Variants in EFCAB6 observed in about 807,000 individuals in gnomAD.
The protein encoded by EFCAB6 is EF-hand calcium-binding domain-containing protein 6.
EFCAB6 carries 156 observed loss-of-function variants against 169.8 expected under a neutral mutation model. That is an observed-to-expected ratio of 0.92 (90% CI 0.81 to 1.05). The LOEUF (loss-of-function observed/expected upper bound fraction) is 1.05, where lower values mean the gene tolerates loss of function less well. EFCAB6 is among the 50% of genes least tolerant of loss of function. The pLI is 0.00. For missense variants in EFCAB6, 1,800 were observed against 1,829.1 expected (o/e 0.98, Z 0.29); for synonymous variants, 698 against 676.4 (o/e 1.03, Z -0.50).
At position 43,583,293 on chromosome 22, in the gene EFCAB6, C is replaced by G. The variant is rs147423149; in HGVS notation, c.3033-2634G>C. On this transcript the variant is annotated intron_variant, in intron 24 of 31. Coordinates refer to ENST00000262726, the MANE Select transcript of EFCAB6 (RefSeq NM_022785.4). The stretch of plus-strand genomic sequence containing the variant: ...TTACTCTTCCCCATTAAAGAAAAGC[C>G]CTCTTCTGCTTGCTCTTTGAGATGC... Among the ~76,000 whole-genome samples, 12 of 151,290 alleles carry G rather than the reference C, an allele frequency of 7.9e-5. 1 individual carries two copies. The highest frequency in any genetic ancestry group is 7.9e-4 in the Admixed American group (12 of 15,176).
In EFCAB6 at chr22:43,809,077, C is replaced by G. The variant is rs1190183733; in HGVS notation, c.-90G>C. On this transcript the variant is annotated 5_prime_UTR_variant, in exon 2 of 32. Transcript: ENST00000262726. Reference sequence around the variant, plus strand: ...CCCTGAAGAGTGAGGACATTAAGCCCACACTTTTGTCATTGGGCAGTAATC... The same window carrying G: ...CCCTGAAGAGTGAGGACATTAAGCCGACACTTTTGTCATTGGGCAGTAATC... 1 of 152,152 alleles carries G rather than the reference C, an allele frequency of 6.6e-6. No individual in the cohort carries two copies. Among genetic ancestry groups the G allele is most frequent in the Non-Finnish European group, 1.5e-5 (1 of 68,026 alleles). 9.4% of individuals were successfully genotyped at this position (152,152 alleles called of 1,614,324 possible). A position where few individuals can be genotyped will look rare whatever the true frequency, so the allele number is the denominator to read the frequency against.
intron 6 of EFCAB6, among the ~76,000 whole-genome samples, chr22:43,746,608 G>A (rs1253736273): frequency 1.3e-5 from 2 of 152,172 alleles, no homozygotes; most frequent in Admixed American, 1.3e-4. Flanking sequence ...TCTATAAGCT[G>A]AGGGACTTAC....
intron 8 of EFCAB6, among the ~76,000 whole-genome samples, chr22:43,723,953 G>A (rs2059628944): frequency 6.6e-6 from 1 of 152,248 alleles, no homozygotes; most frequent in South Asian, 2.1e-4. Flanking sequence ...GTGATGGGAG[G>A]GTCCTTTCTA....
intron 9 of EFCAB6, among the ~76,000 whole-genome samples, chr22:43,716,245 C>T (rs1441259401): frequency 6.6e-6 from 1 of 152,126 alleles, no homozygotes; most frequent in Non-Finnish European, 1.5e-5. Flanking sequence ...AGCAAATTAT[C>T]TCAATAATAA....
At chr22:43,703,468 C>G (rs930895617) in intron 10 of EFCAB6, among the ~76,000 whole-genome samples, 1 of 152,018 alleles carries the variant, frequency 6.6e-6, no homozygotes, top group Non-Finnish European at 1.5e-5. Context: ...AATCATGACA[C>G]TTCCAAAATA....
chr22:43,724,855 T>C (rs1446451329), intron 8 of EFCAB6, among the ~76,000 whole-genome samples: 1 of 152,226 alleles, frequency 6.6e-6, no homozygotes, highest in East Asian at 1.9e-4. Context: ...GCCAATTACC[T>C]AGTTCCAAAG....
At chr22:43,612,764 T>A (rs1049912769) in intron 21 of EFCAB6, among the ~76,000 whole-genome samples, 12 of 151,978 alleles carry the variant, frequency 7.9e-5, no homozygotes, top group African/African-American at 2.9e-4. Flanking sequence ...CATGGTGGCA[T>A]GCACCTGTAG....
intron 23 of EFCAB6, among the ~76,000 whole-genome samples, chr22:43,592,804 C>T (rs959067817): frequency 3.3e-5 from 5 of 152,246 alleles, no homozygotes; most frequent in South Asian, 2.1e-4. Flanking sequence ...CGAACGAGCC[C>T]GTGTTATGTG....
At chr22:43,584,372 C>T (rs925433830) in intron 24 of EFCAB6, among the ~76,000 whole-genome samples, 3 of 152,150 alleles carry the variant, frequency 2.0e-5, no homozygotes, top group African/African-American at 7.2e-5. Flanking sequence ...TTGGCAAATT[C>T]GTAGAGGCTG....
At chr22:43,544,584 G>A (rs2047932898) in intron 27 of EFCAB6, among the ~76,000 whole-genome samples, 1 of 152,200 alleles carries the variant, frequency 6.6e-6, no homozygotes, top group South Asian at 2.1e-4. Flanking sequence ...GGGAGGCAGT[G>A]GCAGTGGGTT....
chr22:43,555,279 A>T (rs901132696), intron 26 of EFCAB6, among the ~76,000 whole-genome samples, 183 bp from the exon 27 acceptor site: 1 of 152,224 alleles, frequency 6.6e-6, no homozygotes, highest in African/African-American at 2.4e-5. Context: ...CCTGCTGAGC[A>T]GAAGCCTGGG....
intron 3 of EFCAB6, among the ~76,000 whole-genome samples, chr22:43,773,810 G>A (rs1239531020): frequency 6.6e-6 from 1 of 152,224 alleles, no homozygotes; most frequent in Non-Finnish European, 1.5e-5. Flanking sequence ...TCGTGCCATT[G>A]CACTCCAGCC....
intron 27 of EFCAB6, among the ~76,000 whole-genome samples, chr22:43,541,822 G>A (rs536419302): frequency 2.6e-5 from 4 of 152,182 alleles, no homozygotes; most frequent in Non-Finnish European, 5.9e-5. Flanking sequence ...CCCCTGGCCT[G>A]GAAGCTCCCT....
intron 25 of EFCAB6, among the ~76,000 whole-genome samples, chr22:43,579,707 TAGGCATCATTCCATACATGC>T (rs1190545921): frequency 7.4e-6 from 1 of 135,728 alleles, no homozygotes; most frequent in Non-Finnish European, 1.6e-5. Flanking sequence ...TCCATACACA[TAGGCATCATTCCATACATGC>T]AGGCATCATT....
chr22:43,801,150 A>G (rs1186885698), intron 2 of EFCAB6, among the ~76,000 whole-genome samples: 10 of 152,238 alleles, frequency 6.6e-5, no homozygotes, highest in Admixed American at 6.5e-4. Context: ...CAGAAATCAT[A>G]TAGCCAGGAG....
At chr22:43,682,105 T>A (rs564221199) in intron 12 of EFCAB6, among the ~76,000 whole-genome samples, 1 of 152,182 alleles carries the variant, frequency 6.6e-6, no homozygotes, top group African/African-American at 2.4e-5. Flanking sequence ...CCCACCCTTA[T>A]TCTCCTTCTT....
intron 26 of EFCAB6, among the ~76,000 whole-genome samples, chr22:43,570,807 C>T (rs1370835686): frequency 6.6e-6 from 1 of 152,202 alleles, no homozygotes; most frequent in Non-Finnish European, 1.5e-5. Context: ...TTCCCGGAAG[C>T]TCGCAGGCCT....
intron 4 of EFCAB6, among the ~76,000 whole-genome samples, chr22:43,770,622 C>A (rs1334329493): frequency 6.6e-6 from 1 of 152,052 alleles, no homozygotes; most frequent in African/African-American, 2.4e-5. Flanking sequence ...AGGGATGGGG[C>A]TAACAGCAGA....
Position 43,765,738 on chromosome 22 carries a change from G to A in EFCAB6, c.352-345C>T, listed in dbSNP as rs145306456. Among the ~76,000 whole-genome samples the A allele has an allele frequency of 3.9e-3, 593 of 152,138 alleles. 4 individuals carry two copies. The highest frequency in any genetic ancestry group is 5.1e-3 in the Non-Finnish European group (349 of 67,998). ...CATATAATACATATTAGAAGCTGAG[G>A]CCATAGCACAATTTTATACTGAGTG... On this transcript the variant is annotated intron_variant, in intron 4 of 31. Coordinates refer to ENST00000262726, the MANE Select transcript of EFCAB6 (RefSeq NM_022785.4).
Sources: gnomAD v4.1 joint callset for allele counts (sites outside exome capture counted in the v4.1 genomes callset) on GRCh38, gnomAD v4.1.1 for gene constraint, MANE v1.5 for transcripts, NCBI Gene and HGNC (gene_info 2026-07-23, HGNC 2026-07-21) for gene names.